SEC14L1: variants seen among roughly 807,000 people sequenced by gnomAD.
SEC14L1 encodes the protein SEC14-like protein 1.
A neutral mutation model predicts 85.3 loss-of-function variants in SEC14L1; 48 were observed. The observed-to-expected ratio is 0.56, with a 90% CI of 0.45 to 0.72. SEC14L1 has a LOEUF of 0.72. Ranked by LOEUF, SEC14L1 falls within the 30% of genes least tolerant of loss-of-function variation. SEC14L1 has a pLI of 0.00. For missense variants in SEC14L1, 682 were observed against 921.4 expected (o/e 0.74, Z 3.36); for synonymous variants, 391 against 355.5 (o/e 1.10, Z -1.12).
Position 77,216,704 on chromosome 17 carries a change from T to A in SEC14L1, c.*2681T>A. On this transcript the variant is annotated 3_prime_UTR_variant, in exon 17 of 17. Transcript: ENST00000436233. ...TAAGTTGATTCGGGAGTGGCATTCT[T>A]TTATACCCAAAGACTGTAGTGCATC... 2 of 1,472,282 alleles carry A rather than the reference T, an allele frequency of 1.4e-6. No homozygotes were observed. Among genetic ancestry groups the A allele is most frequent in the Non-Finnish European group, 1.9e-6 (2 of 1,067,156 alleles). The allele number at this position is 1,472,282 out of a possible 1,614,324, so 91.2% of individuals were successfully genotyped here.
intron 3 of SEC14L1, among the ~76,000 whole-genome samples, chr17:77,123,828 A>T (rs984161168): frequency 6.6e-6 from 1 of 152,194 alleles, no homozygotes; most frequent in Non-Finnish European, 1.5e-5. Context: ...GGACACCTGG[A>T]CAAAGTTGGG....
At chr17:77,207,452 G>T (rs896752551) in intron 13 of SEC14L1, among the ~76,000 whole-genome samples, 13 of 146,678 alleles carry the variant, frequency 8.9e-5, no homozygotes, top group Non-Finnish European at 1.4e-4. Context: ...GACATTTTTG[G>T]TTTTTTTTTT....
At chr17:77,170,743 T>A (rs562274159) in intron 3 of SEC14L1, among the ~76,000 whole-genome samples, 1 of 152,292 alleles carries the variant, frequency 6.6e-6, no homozygotes, top group African/African-American at 2.4e-5. Flanking sequence ...TTTTTAAAGT[T>A]TGGTTCATTC....
Position 77,213,648 on chromosome 17 carries a change from C to A in SEC14L1, c.2042+156C>A. The A allele has an allele frequency of 1.1e-6, 1 of 932,576 alleles. No homozygotes were observed. Among genetic ancestry groups the A allele is most frequent in the Non-Finnish European group, 1.7e-6 (1 of 595,484 alleles). 57.8% of individuals were successfully genotyped at this position (932,576 alleles called of 1,614,324 possible). On this transcript the variant is annotated intron_variant, in intron 16 of 16. Coordinates refer to ENST00000436233, the MANE Select transcript of SEC14L1 (RefSeq NM_001143998.2). The surrounding 1 kb of genome is among the most constrained non-coding windows in gnomAD (Gnocchi z 7.1). ...GTGGCTTTGGGGTCATTTGTTGGCA[C>A]GGTGACTCCCTGCCTGTCTGCAGAG...
At chr17:77,193,625 G>T in intron 6 of SEC14L1, 76 bp downstream of exon 6, 1 of 1,466,364 alleles carries the variant, frequency 6.8e-7, no homozygotes, top group Non-Finnish European at 9.4e-7. Flanking sequence ...GAAGGCTGGG[G>T]ATGGCTTAGC....
chr17:77,193,693 T>C, intron 6 of SEC14L1, 144 bp downstream of exon 6: 6 of 841,748 alleles, frequency 7.1e-6, no homozygotes, highest in Non-Finnish European at 1.1e-5. Context: ...CCCTGCCTCA[T>C]CTTTAGGTAT....
intron 5 of SEC14L1, among the ~76,000 whole-genome samples, chr17:77,192,639 C>T (rs1206491176): frequency 6.6e-6 from 1 of 151,892 alleles, no homozygotes; most frequent in Non-Finnish European, 1.5e-5. Context: ...TTTAATTCTG[C>T]AGCCTGACTC....
chr17:77,092,735 G>A (rs901853119), intron 2 of SEC14L1, among the ~76,000 whole-genome samples: 4 of 151,862 alleles, frequency 2.6e-5, no homozygotes, highest in Non-Finnish European at 4.4e-5. Flanking sequence ...GATCACCTGA[G>A]GTCGGGAGTT....
At chr17:77,130,441 C>A (rs1379477652) in intron 3 of SEC14L1, among the ~76,000 whole-genome samples, 1 of 151,438 alleles carries the variant, frequency 6.6e-6, no homozygotes, top group East Asian at 1.9e-4. Context: ...CTCAGCCTCC[C>A]GAGTATCTGG....
intron 3 of SEC14L1, among the ~76,000 whole-genome samples, chr17:77,163,088 C>T (rs1275988597): frequency 2.0e-5 from 3 of 152,156 alleles, no homozygotes; most frequent in African/African-American, 7.2e-5. Flanking sequence ...CTTGTTACTT[C>T]CTGGAGGGGA....
At chr17:77,102,908 C>T (rs1279708781) in intron 3 of SEC14L1, among the ~76,000 whole-genome samples, 1 of 151,888 alleles carries the variant, frequency 6.6e-6, no homozygotes, top group African/African-American at 2.4e-5. Flanking sequence ...CTCGAGGGAT[C>T]CCCCCTACTC....
intron 3 of SEC14L1, among the ~76,000 whole-genome samples, chr17:77,126,150 CA>C (rs1459661523): frequency 1.3e-5 from 2 of 151,920 alleles, no homozygotes; most frequent in East Asian, 1.9e-4. Flanking sequence ...GACTCCGTCT[CA>C]AAAAAAAGAA....
rs1254163686 is a variant in SEC14L1 at position 77,115,152 on chromosome 17, C to T, written c.-136+21805C>T. On this transcript the variant is annotated intron_variant, in intron 3 of 19. Transcript: ENST00000392476. ...TTTTGTTTAAAGCTGCAAGCCCGGC[C>T]GGGCACGGTGGCTCATGCCTGTAAT... Among the ~76,000 whole-genome samples, 6 of 150,968 alleles carry T rather than the reference C, an allele frequency of 4.0e-5. 1 individual carries two copies. Among genetic ancestry groups the T allele is most frequent in the East Asian group, 2.0e-4 (1 of 5,042 alleles).
intron 8 of SEC14L1, among the ~76,000 whole-genome samples, chr17:77,197,499 C>T (rs905090757): frequency 6.6e-6 from 1 of 152,150 alleles, no homozygotes; most frequent in African/African-American, 2.4e-5. Context: ...GTCTTATGAT[C>T]ACTCATAATT....
chr17:77,144,510 T>G (rs1973190966), intron 3 of SEC14L1: 1 of 152,264 alleles, frequency 6.6e-6, no homozygotes, highest in African/African-American at 2.4e-5. Flanking sequence ...GCTGGCTGCT[T>G]CTGCTCAGCG....
intron 3 of SEC14L1, among the ~76,000 whole-genome samples, chr17:77,165,192 A>G (rs1567904727): frequency 6.6e-6 from 1 of 152,326 alleles, no homozygotes; most frequent in East Asian, 1.9e-4. Context: ...AATGAATTAG[A>G]TAACTAAATC....
At chr17:77,197,661 C>T (rs1391151383) in intron 8 of SEC14L1, among the ~76,000 whole-genome samples, 1 of 151,894 alleles carries the variant, frequency 6.6e-6, no homozygotes, top group Non-Finnish European at 1.5e-5. Flanking sequence ...GCTCCGTCAC[C>T]CAGGCTGGTG....
chr17:77,176,183 A>T (rs951427423), intron 3 of SEC14L1, among the ~76,000 whole-genome samples: 2 of 152,142 alleles, frequency 1.3e-5, no homozygotes, highest in Admixed American at 6.5e-5. Context: ...CCAGCTACTC[A>T]GGAGGCTGAG....
intron 3 of SEC14L1, among the ~76,000 whole-genome samples, chr17:77,173,463 G>A (rs1974612406): frequency 6.6e-6 from 1 of 152,010 alleles, no homozygotes; most frequent in Non-Finnish European, 1.5e-5. Context: ...GGTTGCTTAG[G>A]GGTGGGGGCC....
Sources: allele counts gnomAD v4.1 joint callset (sites outside exome capture counted in the v4.1 genomes callset), GRCh38; gene constraint gnomAD v4.1.1; non-coding constraint Gnocchi (gnomAD v3.1); transcripts MANE v1.5; gene names NCBI Gene and HGNC (gene_info 2026-07-23, HGNC 2026-07-21).